MTMR9: variants seen among roughly 807,000 people sequenced by gnomAD.
MTMR9 encodes the protein myotubularin-related protein 9.
Under a neutral mutation model 69.5 loss-of-function variants are expected in MTMR9, and 39 were observed. The ratio of observed to expected loss-of-function variants is 0.56; its 90% CI spans 0.43 to 0.73. The LOEUF (loss-of-function observed/expected upper bound fraction) is 0.73. Ranked by LOEUF, MTMR9 falls within the 30% of genes least tolerant of loss-of-function variation. MTMR9 has a pLI of 0.00. For missense variants in MTMR9, 900 were observed against 671.2 expected (o/e 1.34, Z -3.77); for synonymous variants, 354 against 240.8 (o/e 1.47, Z -4.35).
rs1266284253 is a variant in MTMR9 at position 11,324,719 on chromosome 8, T to C, written c.*1931T>C. 6.6e-6 allele frequency: 1 copy of C among 152,174 alleles called. No individual in the cohort carries two copies. Among genetic ancestry groups the C allele is most frequent in the African/African-American group, 2.4e-5 (1 of 41,434 alleles). 9.4% of individuals were successfully genotyped at this position (152,174 alleles called of 1,614,324 possible). On this transcript the variant is annotated 3_prime_UTR_variant, in exon 10 of 10. Coordinates refer to ENST00000221086, the MANE Select transcript of MTMR9 (RefSeq NM_015458.4). ...AGAAGTGACTCCCATTAGCCTGGTGTGGTGGTGTGTGCCTATAGTCCCAGC... is the reference window on the plus strand; with the variant it reads ...AGAAGTGACTCCCATTAGCCTGGTGCGGTGGTGTGTGCCTATAGTCCCAGC...
At chr8:11,328,388 T>G (rs1293500899), downstream of MTMR9, among the ~76,000 whole-genome samples, 1 of 151,422 alleles carries the variant, frequency 6.6e-6, no homozygotes, top group African/African-American at 2.4e-5. Flanking sequence ...ACACTGTTAT[T>G]TTGCTGAAAC....
At position 11,306,281 on chromosome 8, in the gene MTMR9, G is replaced by A; in HGVS notation, c.683G>A (p.Gly228Glu). The A allele has an allele frequency of 6.2e-7, 1 of 1,614,070 alleles. No individual in the cohort carries two copies. Among genetic ancestry groups the A allele is most frequent in the South Asian group, 1.1e-5 (1 of 91,088 alleles). Reference protein sequence around the residue: ...EKLINATLRAGKRGYIIDTRS... With the variant: ...EKLINATLRAEKRGYIIDTRS... ...CTGATAAATGCTACCCTCAGGGCTG[G>A]AAAGCGTGGCTACATCATTGACACC... Residue 228 changes from glycine to glutamate, a missense_variant, in exon 5 of 10, where the codon GGA becomes GAA. By Grantham distance (98) the Gly-to-Glu change is moderately conservative (BLOSUM62 -2). Coordinates refer to ENST00000221086, the MANE Select transcript of MTMR9 (RefSeq NM_015458.4).
chr8:11,288,340 A>C (rs1286213500), intron 1 of MTMR9, among the ~76,000 whole-genome samples: 1 of 140,252 alleles, frequency 7.1e-6, no homozygotes, highest in Non-Finnish European at 1.5e-5. Context: ...TAAATATATA[A>C]TATATTTATA....
chr8:11,292,965 CTTGTTA>C (rs1474261755), intron 1 of MTMR9, among the ~76,000 whole-genome samples: 3 of 152,200 alleles, frequency 2.0e-5, no homozygotes, highest in African/African-American at 4.8e-5. Context: ...CTATAGTATA[CTTGTTA>C]TTGTTATTTT....
At chr8:11,316,948 C>T in intron 8 of MTMR9, 55 bp downstream of exon 8, 1 of 1,211,864 alleles carries the variant, frequency 8.3e-7, no homozygotes, top group East Asian at 2.4e-5. Flanking sequence ...TGGCTACTTC[C>T]TAAGTAGCCA....
At chr8:11,288,054 TATATA>T (rs1446327501) in intron 1 of MTMR9, among the ~76,000 whole-genome samples, 2 of 127,022 alleles carry the variant, frequency 1.6e-5, no homozygotes, top group African/African-American at 5.9e-5. Context: ...TAATACGTAT[TATATA>T]ATATATATTA....
intron 2 of MTMR9, chr8:11,298,065 C>G: frequency 2.6e-6 from 1 of 382,564 alleles, no homozygotes; most frequent in Admixed American, 2.8e-5. Context: ...GGAAGAATAG[C>G]TGGCAAGTGC....
At chr8:11,310,268 A>T (rs1652197714) in intron 6 of MTMR9, among the ~76,000 whole-genome samples, 1 of 152,178 alleles carries the variant, frequency 6.6e-6, no homozygotes, top group African/African-American at 2.4e-5. Flanking sequence ...CTAATCCTTG[A>T]GTCTTGTGGC....
rs771345220 is a variant in MTMR9 at position 11,295,317 on chromosome 8, A to G, written c.291+15A>G. On this transcript the variant is annotated intron_variant, in intron 2 of 9. Transcript: ENST00000221086. Reference sequence around the variant, plus strand: ...GTTCCATTGAGGTAAGTATTTTGGAAGCAAAATCTAATGAAACATAATTTT... The same window carrying G: ...GTTCCATTGAGGTAAGTATTTTGGAGGCAAAATCTAATGAAACATAATTTT... 1.3e-5 allele frequency: 17 copies of G among 1,354,572 alleles called. 1 individual carries two copies. In the South Asian group the frequency reaches 2.0e-4, roughly 16 times the overall value. 83.9% of individuals were successfully genotyped at this position (1,354,572 alleles called of 1,614,324 possible). A position where few individuals can be genotyped will look rare whatever the true frequency, so the allele number is the denominator to read the frequency against.
intron 1 of MTMR9, among the ~76,000 whole-genome samples, chr8:11,287,353 ACAAGG>A (rs1799200054): frequency 6.6e-6 from 1 of 152,056 alleles, no homozygotes; most frequent in Non-Finnish European, 1.5e-5. Context: ...CCTTGCATTT[ACAAGG>A]TGCTGGGCTT....
chr8:11,288,293 AAT>A (rs1354325107), intron 1 of MTMR9, among the ~76,000 whole-genome samples: 3 of 140,272 alleles, frequency 2.1e-5, no homozygotes, highest in East Asian at 3.9e-4. Flanking sequence ...TATAGCATAT[AAT>A]ATATATTATA....
chr8:11,328,496 G>T (rs1386166268), downstream of MTMR9, among the ~76,000 whole-genome samples: 1 of 152,054 alleles, frequency 6.6e-6, no homozygotes, highest in Admixed American at 6.5e-5. Flanking sequence ...TATTGATTTA[G>T]TATGTATTAA....
chr8:11,314,215 A>G (rs1172647348), intron 6 of MTMR9, among the ~76,000 whole-genome samples: 1 of 152,224 alleles, frequency 6.6e-6, no homozygotes, highest in Non-Finnish European at 1.5e-5. Context: ...AGTTTCCTTC[A>G]TTGTTTCAAC....
chr8:11,327,121 C>T lies in MTMR9; in HGVS notation c.*4333C>T, dbSNP rs965422076. The T allele has an allele frequency of 6.6e-6, 1 of 152,124 alleles. No individual in the cohort carries two copies. Among genetic ancestry groups the T allele is most frequent in the Non-Finnish European group, 1.5e-5 (1 of 68,032 alleles). The allele number at this position is 152,124 out of a possible 1,614,324, so 9.4% of individuals were successfully genotyped here. A position where few individuals can be genotyped will look rare whatever the true frequency, so the allele number is the denominator to read the frequency against. ...ACCTTCATTTGGTCTTTATAATCCA[C>T]TGTCCACAGCATCTTCCTTTAAACC... On this transcript the variant is annotated 3_prime_UTR_variant, in exon 10 of 10. Coordinates refer to ENST00000221086, the MANE Select transcript of MTMR9 (RefSeq NM_015458.4).
chr8:11,295,831 G>C (rs892747261), intron 2 of MTMR9, among the ~76,000 whole-genome samples: 2 of 152,050 alleles, frequency 1.3e-5, no homozygotes, highest in Admixed American at 1.3e-4. Flanking sequence ...ATTGCTTTTA[G>C]TCACATTACA....
the MTMR9 span, among the ~76,000 whole-genome samples, chr8:11,337,116 CCA>C: frequency 2.0e-5 from 3 of 152,124 alleles, no homozygotes; most frequent in African/African-American, 7.2e-5. Flanking sequence ...TTCTTACTTG[CCA>C]CAGACACCAA....
At chr8:11,296,673 C>G (rs1450884692) in intron 2 of MTMR9, among the ~76,000 whole-genome samples, 1 of 152,140 alleles carries the variant, frequency 6.6e-6, no homozygotes, top group Non-Finnish European at 1.5e-5. Flanking sequence ...TTTCACTTAG[C>G]ATAATATCCT....
At chr8:11,298,653 G>C in intron 2 of MTMR9, 3 of 654,736 alleles carry the variant, frequency 4.6e-6, no homozygotes, top group Non-Finnish European at 5.7e-6. Context: ...CTCCTGTCCA[G>C]GTGAATGTCT....
the MTMR9 span, among the ~76,000 whole-genome samples, chr8:11,336,444 C>T: frequency 6.6e-6 from 1 of 152,216 alleles, no homozygotes; most frequent in African/African-American, 2.4e-5. Context: ...TGAACATTCA[C>T]ACCGAAATAT....
Sources: allele counts gnomAD v4.1 joint callset (sites outside exome capture counted in the v4.1 genomes callset), GRCh38; gene constraint gnomAD v4.1.1; transcripts MANE v1.5; gene names NCBI Gene and HGNC (gene_info 2026-07-23, HGNC 2026-07-21).